ABCD3: variants seen among roughly 807,000 people sequenced by gnomAD.
The protein encoded by ABCD3 is ATP binding cassette subfamily D member 3.
Under a neutral mutation model 105.5 loss-of-function variants are expected in ABCD3, and 41 were observed. The observed-to-expected ratio is 0.39, with a 90% CI of 0.30 to 0.50. The LOEUF is 0.50. Among genes scored for constraint, ABCD3 ranks in the 20% least tolerant of loss-of-function variants. The pLI is 0.84. For missense variants in ABCD3, 622 were observed against 806.3 expected, an observed-to-expected ratio of 0.77 and a Z score of 2.77; for synonymous variants, 258 against 269.0, an observed-to-expected ratio of 0.96 and a Z score of 0.40.
intron 4 of ABCD3, chr1:94,472,153 G>T (rs1471687744): frequency 1.1e-6 from 1 of 891,326 alleles, no homozygotes; most frequent in African/African-American, 1.8e-5. Flanking sequence ...ATTGTTTTTT[G>T]TTAATTATTT....
intron 1 of ABCD3, among the ~76,000 whole-genome samples, chr1:94,439,258 G>T (rs1468167273): frequency 1.3e-5 from 2 of 152,106 alleles, no homozygotes; most frequent in African/African-American, 4.8e-5. Context: ...ACTGAGGGTT[G>T]TTAACAAAGT....
chr1:94,451,860 A>G (rs1337998915), intron 1 of ABCD3, among the ~76,000 whole-genome samples: 2 of 152,328 alleles, frequency 1.3e-5, no homozygotes, highest in South Asian at 2.1e-4. Context: ...TTTGGAGTTG[A>G]TAGCTGCTAA....
At chr1:94,445,426 G>A (rs1029812279) in intron 1 of ABCD3, among the ~76,000 whole-genome samples, 1 of 152,208 alleles carries the variant, frequency 6.6e-6, no homozygotes, top group African/African-American at 2.4e-5. Context: ...AAGAAGGGGA[G>A]CTCGGAAGCA....
At position 94,487,622 on chromosome 1, in the gene ABCD3, T is replaced by C; in HGVS notation, c.967+11T>C. ...GTATTATTGCCAAATGTAAGTATATTTTGAAAGAGATGAGATTTGTGGAAA... is the reference window on the plus strand; with the variant it reads ...GTATTATTGCCAAATGTAAGTATATCTTGAAAGAGATGAGATTTGTGGAAA... On this transcript the variant is annotated intron_variant, in intron 11 of 22. Coordinates refer to ENST00000370214, the MANE Select transcript of ABCD3 (RefSeq NM_002858.4). 6.2e-7 allele frequency: 1 copy of C among 1,613,398 alleles called. No homozygotes were observed. The highest frequency in any genetic ancestry group is 1.7e-5 in the Admixed American group (1 of 60,004).
the ABCD3 span, among the ~76,000 whole-genome samples, chr1:94,385,492 TG>T: frequency 1.3e-5 from 2 of 152,208 alleles, no homozygotes; most frequent in Non-Finnish European, 2.9e-5. Flanking sequence ...GTACCCATGC[TG>T]TTGCACAGAG....
At chr1:94,498,039 TTTATC>T (rs2101039859) in intron 16 of ABCD3, among the ~76,000 whole-genome samples, 1 of 152,312 alleles carries the variant, frequency 6.6e-6, no homozygotes, top group South Asian at 2.1e-4. Flanking sequence ...TTTATCTCTC[TTTATC>T]TTAAGTTGAT....
At chr1:94,471,302 A>C (rs1490992821) in intron 4 of ABCD3, among the ~76,000 whole-genome samples, 1 of 152,136 alleles carries the variant, frequency 6.6e-6, no homozygotes, top group Non-Finnish European at 1.5e-5. Flanking sequence ...TCATACCTGT[A>C]ATCCCAACAC....
intron 1 of ABCD3, among the ~76,000 whole-genome samples, chr1:94,426,335 A>G (rs181088502): frequency 6.6e-6 from 1 of 152,318 alleles, no homozygotes; most frequent in Non-Finnish European, 1.5e-5. Flanking sequence ...GCTAAATGGA[A>G]TTCGGCATTC....
At chr1:94,488,535 G>A (rs1264544805) in intron 13 of ABCD3, among the ~76,000 whole-genome samples, 1 of 151,860 alleles carries the variant, frequency 6.6e-6, no homozygotes, top group African/African-American at 2.4e-5. Context: ...CAATATAAAG[G>A]GCATGGTATG....
chr1:94,480,104 G>A, intron 8 of ABCD3: 1 of 269,448 alleles, frequency 3.7e-6, no homozygotes, highest in South Asian at 4.7e-5. Context: ...AAAAAAGAAG[G>A]CAAGAAAAAG....
At chr1:94,500,467 T>G (rs1420938066) in intron 20 of ABCD3, among the ~76,000 whole-genome samples, 2 of 151,950 alleles carry the variant, frequency 1.3e-5, no homozygotes, top group East Asian at 1.9e-4. Flanking sequence ...AATAAAAATT[T>G]AAAAAGAACG....
At chr1:94,435,791 A>G (rs912926004) in intron 1 of ABCD3, among the ~76,000 whole-genome samples, 2 of 152,182 alleles carry the variant, frequency 1.3e-5, no homozygotes, top group Admixed American at 6.5e-5. Flanking sequence ...CAGTTATCAA[A>G]ATAATATGTT....
chr1:94,409,076 G>A, the ABCD3 span, among the ~76,000 whole-genome samples: 2 of 151,732 alleles, frequency 1.3e-5, no homozygotes, highest in Non-Finnish European at 2.9e-5. Context: ...ATCATCTGGG[G>A]GGTGGCAGGA....
chr1:94,434,359 T>A (rs1016263467), intron 1 of ABCD3, among the ~76,000 whole-genome samples: 1 of 152,152 alleles, frequency 6.6e-6, no homozygotes, highest in Non-Finnish European at 1.5e-5. Context: ...TTTTTTTAAG[T>A]AGGAGTACAC....
chr1:94,438,301 T>TACACACACACACAC lies in ABCD3; in HGVS notation c.110+19743_110+19756dup, dbSNP rs58959540. On this transcript the variant is annotated intron_variant, in intron 1 of 22. Transcript: ENST00000370214. Reference sequence around the variant, plus strand: ...ACTCCATCACACACACACACACACATACACACACACACACACACACACACA... The same window carrying TACACACACACACAC: ...ACTCCATCACACACACACACACACATACACACACACACACACACACACACACACACACACACACA... 1.2e-3 allele frequency among the ~76,000 whole-genome samples: 159 copies of TACACACACACACAC among 128,282 alleles called. 3 individuals are homozygous for TACACACACACACAC. Among genetic ancestry groups the TACACACACACACAC allele is most frequent in the Non-Finnish European group, 2.1e-3 (125 of 58,938 alleles). The allele number at this position is 128,282 out of a possible 152,430, so 84.2% of individuals were successfully genotyped here.
At chr1:94,497,870 G>A (rs1309001670) in intron 16 of ABCD3, among the ~76,000 whole-genome samples, 1 of 152,076 alleles carries the variant, frequency 6.6e-6, no homozygotes, top group Non-Finnish European at 1.5e-5. Flanking sequence ...AAAGGAATGG[G>A]GGAATCTGAA....
At chr1:94,515,080 G>C in intron 21 of ABCD3, 66 bp from the exon 22 acceptor site, 1 of 1,252,298 alleles carries the variant, frequency 8.0e-7, no homozygotes, top group South Asian at 1.2e-5. Flanking sequence ...ACAGCTTAAA[G>C]TACATGGACT....
chr1:94,487,421 A>G (rs187433667), intron 10 of ABCD3, 121 bp from the exon 11 acceptor site: 104 of 881,916 alleles, frequency 1.2e-4, no homozygotes, highest in African/African-American at 1.1e-3. Context: ...ATAAACAGAA[A>G]TCACGGGCAC....
chr1:94,491,227 A>C lies in ABCD3; in HGVS notation c.1366A>C (p.Ile456Leu), dbSNP rs1570812231. The change falls in exon 16 of 23, where the codon ATC becomes CTC. Residue 456 changes from isoleucine to leucine, a missense_variant. By Grantham distance (5) the Ile-to-Leu change is conservative. Transcript: ENST00000370214. Reference protein sequence around the residue: ...PLATPNGDVLIRDLNFEVRSG... With the variant: ...PLATPNGDVLLRDLNFEVRSG... ...AGCAACGCCAAATGGAGATGTTTTG[A>C]TCCGAGACCTTAATTTTGAAGTAAG... 6.2e-7 allele frequency: 1 copy of C among 1,612,074 alleles called. No individual in the cohort carries two copies. The highest frequency in any genetic ancestry group is 2.2e-5 in the East Asian group (1 of 44,762).
Sources: allele counts gnomAD v4.1 joint callset (sites outside exome capture counted in the v4.1 genomes callset), GRCh38; gene constraint gnomAD v4.1.1; transcripts MANE v1.5; gene names NCBI Gene and HGNC (gene_info 2026-07-23, HGNC 2026-07-21).